Variants in SNTG2 observed in about 807,000 individuals in gnomAD.
SNTG2 encodes the protein syntrophin gamma 2, also known as gamma-2-syntrophin.
In SNTG2, 74 loss-of-function variants were observed where a neutral mutation model predicts 70.9. The ratio of observed to expected loss-of-function variants is 1.04; its 90% confidence interval spans 0.86 to 1.27. The LOEUF is 1.27. Ranked by LOEUF, SNTG2 falls within the 50% of genes most tolerant of loss-of-function variation. The pLI is 0.00. For synonymous variants in SNTG2, 278 were observed against 273.8 expected (o/e 1.02, Z -0.15); for missense variants, 717 against 690.7 (o/e 1.04, Z -0.43).
Position 1,137,648 on chromosome 2 carries a change from G to T in SNTG2, c.352G>T (p.Gly118Ter). ...TGACCAGACAGGGATGTTGTTCGTA[G>T]GAGATGCTGTTCTCCAGGTCAGTAT... Reference protein sequence around the residue: ...AADQTGMLFVGDAVLQVNGIH... With the variant: ...AADQTGMLFV Residue 118 changes from glycine to a stop codon, truncating the protein, a stop_gained, in exon 5 of 17, where the codon GGA becomes TGA. Coordinates refer to ENST00000308624, the MANE Select transcript of SNTG2 (RefSeq NM_018968.4). LOFTEE classifies it high-confidence loss of function. 6.2e-7 allele frequency: 1 copy of T among 1,613,122 alleles called. No individual in the cohort carries two copies. The highest frequency in any genetic ancestry group is 8.5e-7 in the Non-Finnish European group (1 of 1,179,688).
intron 12 of SNTG2, among the ~76,000 whole-genome samples, chr2:1,249,023 C>T (rs1372074366): frequency 6.6e-6 from 1 of 152,218 alleles, no homozygotes; most frequent in Non-Finnish European, 1.5e-5. Flanking sequence ...TCCAACTCAT[C>T]TCAGCAAGGC....
Position 1,024,218 on chromosome 2 carries a change from G to A in SNTG2, c.73-59300G>A, listed in dbSNP as rs899588962. 7.2e-5 allele frequency among the ~76,000 whole-genome samples: 11 copies of A among 151,978 alleles called. No individual in the cohort carries two copies. The East Asian group carries it at 1.2e-3, about 16-fold the overall frequency. On this transcript the variant is annotated intron_variant, in intron 1 of 16. Coordinates refer to ENST00000308624, the MANE Select transcript of SNTG2 (RefSeq NM_018968.4). The stretch of plus-strand genomic sequence containing the variant: ...GAAAAAGATATTTATTTGAAAAATC[G>A]TAATACTAAAAGTGAGGGACCAATA...
At chr2:962,894 C>T (rs995122358) in intron 1 of SNTG2, among the ~76,000 whole-genome samples, 3 of 152,102 alleles carry the variant, frequency 2.0e-5, no homozygotes, top group Admixed American at 6.6e-5. Flanking sequence ...AGAGAATGAG[C>T]GTGCTAAGCC....
intron 14 of SNTG2, among the ~76,000 whole-genome samples, chr2:1,275,638 GACATA>G (rs1679236699): frequency 6.6e-6 from 1 of 151,228 alleles, no homozygotes; most frequent in Non-Finnish European, 1.5e-5. Flanking sequence ...CATTCCACGA[GACATA>G]ACAGTATTGA....
chr2:1,092,817 A>T (rs910273669), intron 2 of SNTG2, among the ~76,000 whole-genome samples: 4 of 152,218 alleles, frequency 2.6e-5, no homozygotes, highest in African/African-American at 9.7e-5. Flanking sequence ...TAATGTGGAG[A>T]TAGCTATGTT....
intron 9 of SNTG2, among the ~76,000 whole-genome samples, chr2:1,224,983 T>C (rs540234857): frequency 8.5e-5 from 13 of 152,344 alleles, no homozygotes; most frequent in African/African-American, 3.1e-4. Flanking sequence ...CATTGAGCTG[T>C]GTAAGCAGTG....
In SNTG2 at chr2:1,222,484, GA is replaced by G. The variant is rs1239177451; in HGVS notation, c.719+13257del. Among the ~76,000 whole-genome samples, 63 of 141,534 alleles carry G rather than the reference GA, an allele frequency of 4.5e-4. 3 individuals are homozygous for G. The South Asian group carries it at 5.2e-3, about 12-fold the overall frequency. The allele number at this position is 141,534 out of a possible 152,430, so 92.9% of individuals were successfully genotyped here. On this transcript the variant is annotated intron_variant, in intron 9 of 16. Coordinates refer to ENST00000308624, the MANE Select transcript of SNTG2 (RefSeq NM_018968.4). ...CTGGAGGTGCTGGATCGCTGTAGAG[GA>G]AAGTGGTGCAGTGATGGAGGGCGTC...
At chr2:1,222,099 C>CTCTGTCTG (rs1553362264) in intron 9 of SNTG2, among the ~76,000 whole-genome samples, 1 of 14,594 alleles carries the variant, frequency 6.9e-5, no homozygotes, top group East Asian at 2.1e-3. Flanking sequence ...CTCTCTGTCT[C>CTCTGTCTG]TCTCTGTCTC....
At chr2:1,292,240 AT>A (rs146085405) in intron 14 of SNTG2, among the ~76,000 whole-genome samples, 24 of 151,726 alleles carry the variant, frequency 1.6e-4, no homozygotes, top group African/African-American at 4.8e-4. Context: ...ATTCTAACAG[AT>A]TTTTTTTTGT....
intron 1 of SNTG2, among the ~76,000 whole-genome samples, chr2:952,862 A>C (rs1219489112): frequency 6.6e-6 from 1 of 152,238 alleles, no homozygotes; most frequent in African/African-American, 2.4e-5. Context: ...TCTTGAAAAC[A>C]TGAATGTTCT....
intron 12 of SNTG2, 39 bp from the exon 13 acceptor site, chr2:1,259,331 G>T: frequency 6.2e-7 from 1 of 1,604,594 alleles, no homozygotes; most frequent in Non-Finnish European, 8.5e-7. Flanking sequence ...ACTAAAAGTA[G>T]CATGCTGCTT....
chr2:1,027,292 T>C (rs1660532927), intron 1 of SNTG2, among the ~76,000 whole-genome samples: 1 of 151,922 alleles, frequency 6.6e-6, no homozygotes, highest in Non-Finnish European at 1.5e-5. Context: ...CCACAGACAC[T>C]ACCCAGCAAG....
rs1676931553 is a variant in SNTG2, at chr2:1,239,784, T to A, written c.888+8T>A. The A allele has an allele frequency of 1.2e-6, 2 of 1,612,838 alleles. No homozygotes were observed. Among genetic ancestry groups the A allele is most frequent in the Non-Finnish European group, 1.7e-6 (2 of 1,179,546 alleles). On this transcript the variant is annotated splice_region_variant and intron_variant, in intron 11 of 16. Coordinates refer to ENST00000308624, the MANE Select transcript of SNTG2 (RefSeq NM_018968.4). ...TGCTCTCCTTCCGACCAGGTAGGGT[T>A]TGTATTTTCTGCTTCATGATGTAAC...
intron 4 of SNTG2, among the ~76,000 whole-genome samples, chr2:1,111,385 C>T (rs978114070): frequency 5.9e-5 from 9 of 152,182 alleles, no homozygotes; most frequent in South Asian, 2.1e-4. Flanking sequence ...AGTCAGCGTA[C>T]GGCCGGGCCC....
At chr2:1,052,636 T>C (rs1417123742) in intron 1 of SNTG2, among the ~76,000 whole-genome samples, 1 of 152,234 alleles carries the variant, frequency 6.6e-6, no homozygotes, top group Non-Finnish European at 1.5e-5. Context: ...ATCAGAGGTC[T>C]CTAAAGTGTT....
chr2:994,671 C>T (rs1023910543), intron 1 of SNTG2, among the ~76,000 whole-genome samples: 5 of 151,850 alleles, frequency 3.3e-5, no homozygotes, highest in Middle Eastern at 3.2e-3. Flanking sequence ...AACTGTATTG[C>T]CTTCAATCCA....
intron 1 of SNTG2, among the ~76,000 whole-genome samples, chr2:960,745 C>T (rs908961491): frequency 4.2e-5 from 6 of 144,528 alleles, no homozygotes; most frequent in Admixed American, 1.4e-4. Context: ...CTCATGGGAG[C>T]ACGGTGAGCT....
intron 16 of SNTG2, among the ~76,000 whole-genome samples, chr2:1,365,921 G>A (rs1000886180): frequency 2.6e-5 from 4 of 152,130 alleles, no homozygotes; most frequent in Admixed American, 6.5e-5. Flanking sequence ...GGCTTTACCC[G>A]GTGATGTGTG....
At chr2:1,130,904 A>G (rs1217962371) in intron 4 of SNTG2, among the ~76,000 whole-genome samples, 4 of 152,226 alleles carry the variant, frequency 2.6e-5, no homozygotes, top group Non-Finnish European at 5.9e-5. Context: ...GCAGATAGCT[A>G]AATCCTGCAG....
Sources: allele counts gnomAD v4.1 joint callset (sites outside exome capture counted in the v4.1 genomes callset), GRCh38; gene constraint gnomAD v4.1.1; transcripts MANE v1.5; gene names NCBI Gene and HGNC (gene_info 2026-07-23, HGNC 2026-07-21).